Variants in MYL6 observed in about 807,000 individuals in gnomAD.
MYL6 encodes myosin light chain 6.
Under a neutral mutation model 20.3 loss-of-function variants are expected in MYL6, and 20 were observed. The ratio of observed to expected loss-of-function variants is 0.98; its 90% CI spans 0.69 to 1.43. The LOEUF is 1.43. Ranked by LOEUF, MYL6 falls within the 40% of genes most tolerant of loss-of-function variation. The pLI is 0.00. For missense variants in MYL6, 164 were observed against 191.0 expected (o/e 0.86, Z 0.83); for synonymous variants, 77 against 72.4 (o/e 1.06, Z -0.32).
rs1871487814 is a variant in MYL6 at position 56,158,647 on chromosome 12, C to T, written c.4-37C>T. ...CTGGGATAGAAACTCGGGGGATTGG[C>T]GTTCAGATGCTGACCACTTCCCTCT... On this transcript the variant is annotated intron_variant, in intron 1 of 6. Coordinates refer to ENST00000550697, the MANE Select transcript of MYL6 (RefSeq NM_021019.5). The T allele has an allele frequency of 1.9e-6, 3 of 1,614,048 alleles. No homozygotes were observed. The East Asian group carries it at 6.7e-5, about 36-fold the overall frequency.
intron 3 of MYL6, 55 bp downstream of exon 3, chr12:56,159,785 G>C: frequency 6.3e-7 from 1 of 1,575,858 alleles, no homozygotes; most frequent in Non-Finnish European, 8.6e-7. Context: ...CAGTTCTTCA[G>C]CTAAGAGCTT....
In MYL6 at chr12:56,160,070, G is replaced by T. The variant is rs1486822196; in HGVS notation, c.271G>T (p.Glu91Ter). ...CCAGGGCACCTATGAGGATTATGTC[G>T]AAGGACTTCGGGTGTTTGACAAGGA... ...KDQGTYEDYVEGLRVFDKEGN... is the reference protein window; with the variant it reads ...KDQGTYEDYV The change falls in exon 4 of 7, where the codon GAA (glutamate) becomes TAA (stop). Residue 91 changes from glutamate (E) to a stop codon, truncating the protein, a stop_gained. Coordinates refer to ENST00000550697, the MANE Select transcript of MYL6 (RefSeq NM_021019.5). LOFTEE classifies it high-confidence loss of function. 6.2e-7 allele frequency: 1 copy of T among 1,614,084 alleles called. No individual in the cohort carries two copies. Among genetic ancestry groups the T allele is most frequent in the South Asian group, 1.1e-5 (1 of 91,080 alleles).
chr12:56,159,444 C>T (rs931042504), intron 2 of MYL6, 143 bp from the exon 3 acceptor site: 1 of 1,081,974 alleles, frequency 9.2e-7, no homozygotes, highest in Admixed American at 2.5e-5. Context: ...AGAAATAGAG[C>T]CCTCTTAAGT....
rs1389660673 is a variant in MYL6 at position 56,160,026 on chromosome 12, C to G, written c.227C>G (p.Thr76Arg). 1 of 1,614,138 alleles carries G rather than the reference C, an allele frequency of 6.2e-7. No homozygotes were observed. Among genetic ancestry groups the G allele is most frequent in the Non-Finnish European group, 8.5e-7 (1 of 1,180,016 alleles). ...DFEHFLPMLQ[T>R]VAKNKDQGTY... ...GAGCACTTTCTGCCCATGCTGCAGA[C>G]AGTGGCCAAGAACAAGGACCAGGGC... The change falls in exon 4 of 7, where the codon ACA becomes AGA. Residue 76 changes from threonine to arginine, a missense_variant. Thr to Arg is a moderately conservative substitution (Grantham distance 71, BLOSUM62 -1). Coordinates refer to ENST00000550697, the MANE Select transcript of MYL6 (RefSeq NM_021019.5).
rs780691321 is a variant in MYL6, at chr12:56,160,674, C to T, written c.*16+4C>T. 19 of 1,613,868 alleles carry T rather than the reference C, an allele frequency of 1.2e-5. 1 individual carries two copies. Among genetic ancestry groups the T allele is most frequent in the African/African-American group, 6.7e-5 (5 of 74,904 alleles). ...GGGTGACGGGCCCATGGGGCGGGTA[C>T]GGCTCCTCCCAGCCTCTCCTCTAGT... On this transcript the variant is annotated splice_donor_region_variant and intron_variant, in intron 6 of 6. Transcript: ENST00000550697.
At chr12:56,158,993 G>A in intron 2 of MYL6, 1 of 1,329,026 alleles carries the variant, frequency 7.5e-7, no homozygotes, top group South Asian at 1.7e-5. Flanking sequence ...GGTCTCGGGA[G>A]GGTGTATAAA....
chr12:56,158,942 T>C, intron 2 of MYL6: 1 of 1,406,172 alleles, frequency 7.1e-7, no homozygotes, highest in Non-Finnish European at 9.2e-7. Flanking sequence ...GTGGTGTGGG[T>C]ATGTGAAAAA....
At position 56,158,989 on chromosome 12, in the gene MYL6, G is replaced by A. The variant is rs1037210141; in HGVS notation, c.31+278G>A. On this transcript the variant is annotated intron_variant, in intron 2 of 6. Coordinates refer to ENST00000550697, the MANE Select transcript of MYL6 (RefSeq NM_021019.5). ...TAATGCCTGCTGTGTGTGGGGTCTC[G>A]GGAGGGTGTATAAAGCTGCCTGCTT... 1.4e-5 allele frequency: 19 copies of A among 1,338,482 alleles called. 1 individual carries two copies. Among genetic ancestry groups the A allele is most frequent in the African/African-American group, 4.5e-5 (3 of 66,860 alleles). The allele number at this position is 1,338,482 out of a possible 1,614,324, so 82.9% of individuals were successfully genotyped here. A position where few individuals can be genotyped will look rare whatever the true frequency, so the allele number is the denominator to read the frequency against.
At chr12:56,159,548 A>C in intron 2 of MYL6, 39 bp from the exon 3 acceptor site, 1 of 1,604,400 alleles carries the variant, frequency 6.2e-7, no homozygotes, top group Non-Finnish European at 8.5e-7. Context: ...GTTTGGATTA[A>C]CCCTCAAATC....
At chr12:56,160,949 T>C in intron 6 of MYL6, 1 of 579,422 alleles carries the variant, frequency 1.7e-6, no homozygotes, top group Non-Finnish European at 3.1e-6. Context: ...CCAGTCTTGC[T>C]TTAGGGTGAC....
chr12:56,160,397 A>C, intron 5 of MYL6, 77 bp downstream of exon 5: 2 of 1,585,104 alleles, frequency 1.3e-6, no homozygotes, highest in Non-Finnish European at 1.7e-6. Flanking sequence ...GGCTTTCCCT[A>C]TCCCTGGACT....
At position 56,158,389 on chromosome 12, in the gene MYL6, C is replaced by G; in HGVS notation, c.-13C>G. ...TACTGCAGGAAAAGGTCCCGGAGAG[C>G]TGAGCAGTCAAGATGGTGGGGCCCA... On this transcript the variant is annotated 5_prime_UTR_variant, in exon 1 of 7. Coordinates refer to ENST00000550697, the MANE Select transcript of MYL6 (RefSeq NM_021019.5). The G allele has an allele frequency of 6.6e-7, 1 of 1,521,948 alleles. No individual in the cohort carries two copies. 94.3% of individuals were successfully genotyped at this position (1,521,948 alleles called of 1,614,324 possible).
chr12:56,158,672 TTC>T lies in MYL6; in HGVS notation c.4-8_4-7del, dbSNP rs767891937. On this transcript the variant is annotated splice_polypyrimidine_tract_variant and intron_variant, in intron 1 of 6. Coordinates refer to ENST00000550697, the MANE Select transcript of MYL6 (RefSeq NM_021019.5). Reference sequence around the variant, plus strand: ...CGTTCAGATGCTGACCACTTCCCTCTTCTCTGAGCAGTGTGACTTCACCGAAG... The same window carrying T: ...CGTTCAGATGCTGACCACTTCCCTCTTCTGAGCAGTGTGACTTCACCGAAG... 1 of 1,614,092 alleles carries T rather than the reference TTC, an allele frequency of 6.2e-7. No homozygotes were observed. The highest frequency in any genetic ancestry group is 8.5e-7 in the Non-Finnish European group (1 of 1,180,006).
Position 56,158,794 on chromosome 12 carries a change from T to C in MYL6, c.31+83T>C, listed in dbSNP as rs1393849671. 6 of 1,593,672 alleles carry C rather than the reference T, an allele frequency of 3.8e-6. No homozygotes were observed. The East Asian group carries it at 1.3e-4, about 36-fold the overall frequency. ...CAGCACCTATCCTCTAATCTTAATC[T>C]GTCATCTCTTTAGCACCCCCATGAG... is the stretch of plus-strand genomic sequence containing the variant. On this transcript the variant is annotated intron_variant, in intron 2 of 6. Coordinates refer to ENST00000550697, the MANE Select transcript of MYL6 (RefSeq NM_021019.5).
rs1871565072 is a variant in MYL6, at chr12:56,159,421, A to T, written c.32-166A>T. The T allele has an allele frequency of 3.4e-6, 3 of 893,284 alleles. No individual in the cohort carries two copies. In the East Asian group the frequency reaches 7.9e-5, roughly 24 times the overall value. 55.3% of individuals were successfully genotyped at this position (893,284 alleles called of 1,614,324 possible). A position where few individuals can be genotyped will look rare whatever the true frequency, so the allele number is the denominator to read the frequency against. On this transcript the variant is annotated intron_variant, in intron 2 of 6. Transcript: ENST00000550697. ...AGGAAGCCTCTATATAGAACACTTG[A>T]GTTGGGAGGAAGAGAAATAGAGCCC...
chr12:56,158,608 CAG>C (rs1163757268), intron 1 of MYL6, 74 bp from the exon 2 acceptor site: 10 of 1,613,718 alleles, frequency 6.2e-6, no homozygotes, highest in Non-Finnish European at 8.5e-6. Flanking sequence ...GTTTGTGGGT[CAG>C]AGTTTGTGGG....
intron 2 of MYL6, 37 bp downstream of exon 2, chr12:56,158,748 G>A (rs777158913): frequency 6.2e-7 from 1 of 1,612,914 alleles, no homozygotes; most frequent in South Asian, 1.1e-5. Flanking sequence ...GTCACCCTTA[G>A]GGAGAGGGAC....
intron 5 of MYL6, 106 bp from the exon 6 acceptor site, chr12:56,160,520 G>A (rs1871699755): frequency 7.0e-7 from 1 of 1,428,516 alleles, no homozygotes; most frequent in Non-Finnish European, 9.9e-7. Flanking sequence ...TGTAGAGGGT[G>A]GGAAGGAATG....
chr12:56,161,360 G>A, intron 6 of MYL6, 27 bp from the exon 7 acceptor site: 2 of 1,614,074 alleles, frequency 1.2e-6, no homozygotes, highest in African/African-American at 1.3e-5. Context: ...CCTGTTCCCT[G>A]GCTCATCCCA....
Sources: gnomAD v4.1 joint callset for allele counts on GRCh38, gnomAD v4.1.1 for gene constraint, MANE v1.5 for transcripts, NCBI Gene and HGNC (gene_info 2026-07-23, HGNC 2026-07-21) for gene names.